ADGRB3: variants seen among roughly 807,000 people sequenced by gnomAD.
The protein encoded by ADGRB3 is brain-specific angiogenesis inhibitor 3.
ADGRB3 carries 37 observed loss-of-function variants against 193.4 expected under a neutral mutation model. That is an observed-to-expected ratio of 0.19 (90% CI 0.15 to 0.25). The LOEUF (loss-of-function observed/expected upper bound fraction) is 0.25, where lower values mean the gene tolerates loss of function less well. Among genes scored for constraint, ADGRB3 ranks in the 10% least tolerant of loss-of-function variants. The pLI is 1.00. For missense variants in ADGRB3, 1,637 were observed against 1,852.9 expected, an observed-to-expected ratio of 0.88 and a Z score of 2.14; for synonymous variants, 690 against 644.2, an observed-to-expected ratio of 1.07 and a Z score of -1.08.
chr6:69,134,692 T>C (rs915897589), intron 17 of ADGRB3, among the ~76,000 whole-genome samples: 2 of 151,944 alleles, frequency 1.3e-5, no homozygotes, highest in Non-Finnish European at 2.9e-5. Flanking sequence ...TATATATATA[T>C]GAACCCTCAA....
At chr6:69,343,546 A>C (rs1393737684) in intron 26 of ADGRB3, among the ~76,000 whole-genome samples, 1 of 152,176 alleles carries the variant, frequency 6.6e-6, no homozygotes, top group Admixed American at 6.5e-5. Flanking sequence ...CAAATCAATT[A>C]TATTACACTA....
At chr6:69,136,366 A>T (rs146581027) in intron 17 of ADGRB3, among the ~76,000 whole-genome samples, 3 of 152,156 alleles carry the variant, frequency 2.0e-5, no homozygotes, top group African/African-American at 7.2e-5. Context: ...GAAAGAATGT[A>T]TACTTACAAC....
chr6:69,321,589 C>A (rs953048861), intron 20 of ADGRB3, among the ~76,000 whole-genome samples: 1 of 151,662 alleles, frequency 6.6e-6, no homozygotes, highest in Non-Finnish European at 1.5e-5. Flanking sequence ...AGTGAAAAAA[C>A]CCTAGTACTG....
intron 10 of ADGRB3, among the ~76,000 whole-genome samples, chr6:68,982,754 C>A (rs1245615997): frequency 6.6e-6 from 1 of 152,134 alleles, no homozygotes; most frequent in Non-Finnish European, 1.5e-5. Context: ...AAAATCTCAG[C>A]AGGATTTTTA....
At chr6:69,185,583 G>C (rs1765049432) in intron 17 of ADGRB3, among the ~76,000 whole-genome samples, 1 of 152,102 alleles carries the variant, frequency 6.6e-6, no homozygotes. Flanking sequence ...AGAATGAAAT[G>C]AACTTTTTAA....
chr6:69,337,996 T>C (rs1016531359), intron 24 of ADGRB3, among the ~76,000 whole-genome samples: 3 of 152,222 alleles, frequency 2.0e-5, no homozygotes, highest in Non-Finnish European at 4.4e-5. Flanking sequence ...GAATTTTTAA[T>C]TCAAGTAATT....
intron 30 of ADGRB3, among the ~76,000 whole-genome samples, chr6:69,382,195 C>T (rs1370392280): frequency 6.6e-6 from 1 of 151,836 alleles, no homozygotes; most frequent in African/African-American, 2.4e-5. Context: ...ATGCTCTGAA[C>T]CCTAATTGTT....
intron 17 of ADGRB3, among the ~76,000 whole-genome samples, chr6:69,108,750 G>T (rs1208975220): frequency 6.6e-6 from 1 of 152,160 alleles, no homozygotes; most frequent in Non-Finnish European, 1.5e-5. Flanking sequence ...TTGGAAAAAT[G>T]CTGGAAAACT....
chr6:68,823,312 G>A (rs977924855), intron 3 of ADGRB3, among the ~76,000 whole-genome samples: 13 of 151,872 alleles, frequency 8.6e-5, no homozygotes, highest in African/African-American at 3.1e-4. Context: ...TAGAAAAATT[G>A]AATTTACTTA....
intron 15 of ADGRB3, among the ~76,000 whole-genome samples, chr6:69,052,849 C>T (rs1771439390): frequency 6.6e-6 from 1 of 152,182 alleles, no homozygotes; most frequent in Non-Finnish European, 1.5e-5. Context: ...GTGTTATTCT[C>T]AGCCTCTCAA....
At chr6:69,228,081 C>T (rs540862884) in intron 17 of ADGRB3, among the ~76,000 whole-genome samples, 1 of 152,186 alleles carries the variant, frequency 6.6e-6, no homozygotes, top group Non-Finnish European at 1.5e-5. Context: ...CATGGTGAAA[C>T]CCTGTCTCTA....
intron 3 of ADGRB3, among the ~76,000 whole-genome samples, chr6:68,679,165 CA>C (rs535614813): frequency 5.9e-5 from 9 of 151,652 alleles, no homozygotes; most frequent in African/African-American, 2.2e-4. Flanking sequence ...CAAGTCTAGA[CA>C]AAAAAAATCA....
intron 3 of ADGRB3, among the ~76,000 whole-genome samples, chr6:68,833,794 AC>A (rs919209468): frequency 1.3e-5 from 2 of 152,010 alleles, no homozygotes; most frequent in Admixed American, 1.3e-4. Flanking sequence ...TACAGGCAAA[AC>A]ATTCATAATG....
intron 3 of ADGRB3, among the ~76,000 whole-genome samples, chr6:68,772,897 ATATATATATATAT>A (rs1562023415): frequency 2.0e-3 from 25 of 12,338 alleles, no homozygotes; most frequent in African/African-American, 0.01. Flanking sequence ...AAAAAAAAAT[ATATATATATATAT>A]ATATATATAT....
intron 6 of ADGRB3, among the ~76,000 whole-genome samples, chr6:68,946,649 A>T (rs1415628056): frequency 6.6e-6 from 1 of 152,144 alleles, no homozygotes; most frequent in African/African-American, 2.4e-5. Context: ...TGTGGACAAG[A>T]GGAGGACAGA....
chr6:69,036,198 G>A (rs1489271605), intron 13 of ADGRB3, among the ~76,000 whole-genome samples: 1 of 152,158 alleles, frequency 6.6e-6, no homozygotes, highest in African/African-American at 2.4e-5. Context: ...GGCAGAGAAT[G>A]GTTAAAGTGA....
At chr6:68,683,914 C>T (rs906903831) in intron 3 of ADGRB3, among the ~76,000 whole-genome samples, 1 of 152,124 alleles carries the variant, frequency 6.6e-6, no homozygotes, top group Non-Finnish European at 1.5e-5. Context: ...CATAGGACTA[C>T]CTACACTATG....
intron 20 of ADGRB3, among the ~76,000 whole-genome samples, chr6:69,323,267 G>T (rs959277295): frequency 2.0e-5 from 3 of 151,944 alleles, no homozygotes. Flanking sequence ...GGTAACTAAT[G>T]ACTTAGAAAG....
intron 8 of ADGRB3, among the ~76,000 whole-genome samples, chr6:68,965,506 T>C (rs888111379): frequency 1.3e-5 from 2 of 152,184 alleles, no homozygotes; most frequent in African/African-American, 4.8e-5. Flanking sequence ...TTTTTAATGC[T>C]GAAATTCTAG....
Sources: allele counts gnomAD v4.1 joint callset (sites outside exome capture counted in the v4.1 genomes callset), GRCh38; gene constraint gnomAD v4.1.1; transcripts MANE v1.5; gene names NCBI Gene and HGNC (gene_info 2026-07-23, HGNC 2026-07-21).